MMP24: variants seen among roughly 807,000 people sequenced by gnomAD.
MMP24 encodes matrix metalloproteinase-24.
Under a neutral mutation model 62.8 loss-of-function variants are expected in MMP24, and 25 were observed. The observed-to-expected ratio is 0.40, with a 90% CI of 0.29 to 0.56. The LOEUF is 0.56. MMP24 is among the 20% of genes least tolerant of loss of function. MMP24 has a pLI of 0.50. For synonymous variants in MMP24, 319 were observed against 350.5 expected (o/e 0.91, Z 1.00); for missense variants, 634 against 853.6 (o/e 0.74, Z 3.21).
At position 35,271,915 on chromosome 20, in the gene MMP24, G is replaced by T. The variant is rs1266855130; in HGVS notation, c.1600+80G>T. On this transcript the variant is annotated intron_variant, in intron 8 of 8. Transcript: ENST00000246186. The surrounding 1 kb of genome is among the most constrained non-coding windows in gnomAD (Gnocchi z 4.0). Reference sequence around the variant, plus strand: ...ACCAGTGCCCACGGGCATACTCAGTGCCCATGGGCGTCCAGGTTTGAAAAA... The same window carrying T: ...ACCAGTGCCCACGGGCATACTCAGTTCCCATGGGCGTCCAGGTTTGAAAAA... 6.9e-7 allele frequency: 1 copy of T among 1,446,718 alleles called. No individual in the cohort carries two copies. The highest frequency in any genetic ancestry group is 9.1e-7 in the Non-Finnish European group (1 of 1,093,862). The allele number at this position is 1,446,718 out of a possible 1,614,324, so 89.6% of individuals were successfully genotyped here. A position where few individuals can be genotyped will look rare whatever the true frequency, so the allele number is the denominator to read the frequency against.
At chr20:35,249,892 C>T (rs1035514219) in intron 2 of MMP24, among the ~76,000 whole-genome samples, 1 of 151,752 alleles carries the variant, frequency 6.6e-6, no homozygotes, top group Non-Finnish European at 1.5e-5. Context: ...CGTGCCTGGC[C>T]CGGGAATAAT....
At chr20:35,256,935 T>C (rs1463890180) in intron 4 of MMP24, among the ~76,000 whole-genome samples, 1 of 152,094 alleles carries the variant, frequency 6.6e-6, no homozygotes, top group East Asian at 1.9e-4. Context: ...GGGGTTCTTG[T>C]TATAAACGGG....
intron 1 of MMP24, among the ~76,000 whole-genome samples, chr20:35,227,228 C>G (rs1305976727): frequency 1.3e-5 from 2 of 151,472 alleles, no homozygotes; most frequent in Non-Finnish European, 2.9e-5. Flanking sequence ...GGGCGGGGGC[C>G]GAGCACGAGG....
intron 1 of MMP24, 48 bp downstream of exon 1, chr20:35,227,032 A>C (rs2060416741): frequency 1.1e-6 from 1 of 936,930 alleles, no homozygotes; most frequent in Non-Finnish European, 1.3e-6. Context: ...GCATCCGGGC[A>C]GGGCGGGGGG....
chr20:35,263,529 T>A (rs1217825924), intron 4 of MMP24: 3 of 312,460 alleles, frequency 9.6e-6, no homozygotes, highest in Non-Finnish European at 1.8e-5. Flanking sequence ...CCCTCTCTCC[T>A]CAGAATCCCT....
At chr20:35,237,711 C>T (rs1393601058) in intron 1 of MMP24, among the ~76,000 whole-genome samples, 2 of 152,190 alleles carry the variant, frequency 1.3e-5, no homozygotes, top group Non-Finnish European at 2.9e-5. Flanking sequence ...TGCCCAAGGG[C>T]ACTCTGCTGG....
chr20:35,269,671 C>T lies in MMP24; in HGVS notation c.1195-89C>T. 2 of 1,458,434 alleles carry T rather than the reference C, an allele frequency of 1.4e-6. No homozygotes were observed. Among genetic ancestry groups the T allele is most frequent in the Non-Finnish European group, 1.8e-6 (2 of 1,085,546 alleles). 90.3% of individuals were successfully genotyped at this position (1,458,434 alleles called of 1,614,324 possible). ...TGGACAGTCTCGGTGGAGGGCTGGG[C>T]TGTTGGGACCTAAGCCCCACAGCTG... On this transcript the variant is annotated intron_variant, in intron 6 of 8. Coordinates refer to ENST00000246186, the MANE Select transcript of MMP24 (RefSeq NM_006690.4). This position sits in a 1 kb window ranked among gnomAD's most constrained non-coding sequence, Gnocchi z 4.6.
intron 3 of MMP24, among the ~76,000 whole-genome samples, chr20:35,253,967 C>T (rs1329201283): frequency 6.7e-6 from 1 of 150,118 alleles, no homozygotes. Context: ...CCTCCGGGTT[C>T]AAGCAATTAT....
At chr20:35,246,180 C>T (rs1412327363) in intron 1 of MMP24, among the ~76,000 whole-genome samples, 2 of 151,670 alleles carry the variant, frequency 1.3e-5, no homozygotes, top group East Asian at 1.9e-4. Context: ...GCTGGCCGGG[C>T]GCGGTGGCTC....
chr20:35,248,920 C>A (rs1324177098), intron 2 of MMP24, among the ~76,000 whole-genome samples: 1 of 152,178 alleles, frequency 6.6e-6, no homozygotes, highest in East Asian at 1.9e-4. Flanking sequence ...TTGGGTTTTA[C>A]TCTGTTCCAA....
At chr20:35,270,382 G>A (rs763014654) in intron 7 of MMP24, among the ~76,000 whole-genome samples, 4 of 152,258 alleles carry the variant, frequency 2.6e-5, no homozygotes, top group Non-Finnish European at 5.9e-5. Context: ...GCTGAATAAA[G>A]GAGCAGGGCT....
chr20:35,253,269 A>ATTTTTTTTTTTTT (rs2060557038), intron 3 of MMP24, among the ~76,000 whole-genome samples: 28 of 62,486 alleles, frequency 4.5e-4, no homozygotes, highest in South Asian at 9.5e-4. Flanking sequence ...ACAGAACGGG[A>ATTTTTTTTTTTTT]CTTTTTTTTT....
rs369104690 is a variant in MMP24, at chr20:35,274,629, A to G, written c.*20A>G. The G allele has an allele frequency of 2.9e-5, 45 of 1,568,454 alleles. No homozygotes were observed. The highest frequency in any genetic ancestry group is 1.7e-4 in the Middle Eastern group (1 of 5,926). Reference sequence around the variant, plus strand: ...GTGTGAGCAGCCCAGAGCCCTCTCTATCCACTTGGTCTGGCCAGCCAGGCC... The same window carrying G: ...GTGTGAGCAGCCCAGAGCCCTCTCTGTCCACTTGGTCTGGCCAGCCAGGCC... On this transcript the variant is annotated 3_prime_UTR_variant, in exon 9 of 9. Transcript: ENST00000246186. The surrounding 1 kb of genome is among the most constrained non-coding windows in gnomAD (Gnocchi z 5.1).
chr20:35,254,442 C>T lies in MMP24; in HGVS notation c.513-8C>T. 1 of 1,608,786 alleles carries T rather than the reference C, an allele frequency of 6.2e-7. No individual in the cohort carries two copies. ...ATCTTGCCTAATGATCCTCCCCTCT[C>T]TCACCAGCATTCACAACTATACCCC... On this transcript the variant is annotated splice_region_variant and splice_polypyrimidine_tract_variant and intron_variant, in intron 3 of 8. Coordinates refer to ENST00000246186, the MANE Select transcript of MMP24 (RefSeq NM_006690.4).
At position 35,271,529 on chromosome 20, in the gene MMP24, G is replaced by C. The variant is rs750122771; in HGVS notation, c.1334-40G>C. On this transcript the variant is annotated intron_variant, in intron 7 of 8. Coordinates refer to ENST00000246186, the MANE Select transcript of MMP24 (RefSeq NM_006690.4). This position sits in a 1 kb window ranked among gnomAD's most constrained non-coding sequence, Gnocchi z 4.0. ...CCTGAAGATGGGCAAACGGCACTGA[G>C]TGACTGGGGAAGCTGATCCTGGGCT... is the stretch of plus-strand genomic sequence containing the variant. 1.1e-5 allele frequency: 18 copies of C among 1,595,572 alleles called. No individual in the cohort carries two copies. The highest frequency in any genetic ancestry group is 1.5e-5 in the Non-Finnish European group (18 of 1,169,546).
Position 35,242,752 on chromosome 20 carries a change from G to A in MMP24, c.247-4088G>A, listed in dbSNP as rs111882320. Among the ~76,000 whole-genome samples the A allele has an allele frequency of 2.6e-3, 399 of 152,326 alleles. 2 individuals carry two copies. Among genetic ancestry groups the A allele is most frequent in the African/African-American group, 7.9e-3 (330 of 41,576 alleles). ...TGTCCCCAGTCTTCTGGGAGATGCT[G>A]TCATGTCCATAAGTCACCCAAGAGA... On this transcript the variant is annotated intron_variant, in intron 1 of 8. Coordinates refer to ENST00000246186, the MANE Select transcript of MMP24 (RefSeq NM_006690.4).
In MMP24 at chr20:35,274,183, CCACAGTGCCTGTGCCCTCCTTTT is replaced by C. The variant is rs1243166921; in HGVS notation, c.1601-84_1601-62del. The C allele has an allele frequency of 1.1e-5, 15 of 1,335,142 alleles. No individual in the cohort carries two copies. In the East Asian group the frequency reaches 3.2e-4, roughly 29 times the overall value. 82.7% of individuals were successfully genotyped at this position (1,335,142 alleles called of 1,614,324 possible). A position where few individuals can be genotyped will look rare whatever the true frequency, so the allele number is the denominator to read the frequency against. The stretch of plus-strand genomic sequence containing the variant: ...AGGTGTGCCCACCTTGCCTCCCTTG[CCACAGTGCCTGTGCCCTCCTTTT>C]CACACTGCCCCAGAGCAGGTGCCGG... On this transcript the variant is annotated intron_variant, in intron 8 of 8. Coordinates refer to ENST00000246186, the MANE Select transcript of MMP24 (RefSeq NM_006690.4). This position sits in a 1 kb window ranked among gnomAD's most constrained non-coding sequence, Gnocchi z 5.1.
intron 4 of MMP24, among the ~76,000 whole-genome samples, chr20:35,261,208 T>G (rs2060600816): frequency 6.6e-6 from 1 of 152,212 alleles, no homozygotes; most frequent in African/African-American, 2.4e-5. Flanking sequence ...TGTCCTGTCC[T>G]AGGCACAATA....
chr20:35,245,594 G>T (rs6060320), intron 1 of MMP24, among the ~76,000 whole-genome samples: 6,109 of 151,820 alleles, frequency 0.04, 367 homozygotes, highest in African/African-American at 0.13. Context: ...GATTACAGGT[G>T]TGCACCACCA....
Sources: allele counts gnomAD v4.1 joint callset (sites outside exome capture counted in the v4.1 genomes callset), GRCh38; gene constraint gnomAD v4.1.1; non-coding constraint Gnocchi (gnomAD v3.1); transcripts MANE v1.5; gene names NCBI Gene and HGNC (gene_info 2026-07-23, HGNC 2026-07-21).